Variants in PDE10A observed in about 807,000 individuals in gnomAD.
PDE10A encodes the protein cAMP and cAMP-inhibited cGMP 3',5'-cyclic phosphodiesterase 10A.
PDE10A carries 39 observed loss-of-function variants against 97.7 expected under a neutral mutation model. The observed-to-expected ratio is 0.40, with a 90% CI of 0.31 to 0.52. The LOEUF (loss-of-function observed/expected upper bound fraction) is 0.52. Ranked by LOEUF, PDE10A falls within the 20% of genes least tolerant of loss-of-function variation. The pLI, the probability that PDE10A is intolerant of heterozygous loss-of-function variation, is 0.56. For synonymous variants in PDE10A, 371 were observed against 376.8 expected (o/e 0.98, Z 0.18); for missense variants, 731 against 1,047.8 (o/e 0.70, Z 4.17).
intron 8 of PDE10A, among the ~76,000 whole-genome samples, 167 bp downstream of exon 8, chr6:165,431,255 G>A (rs1405688770): frequency 6.6e-6 from 1 of 151,104 alleles, no homozygotes; most frequent in Non-Finnish European, 1.5e-5. Context: ...AAGGCAGGGA[G>A]TAAGTAAATA....
At chr6:165,836,457 C>T (rs1006267558) in intron 1 of PDE10A, among the ~76,000 whole-genome samples, 5 of 152,196 alleles carry the variant, frequency 3.3e-5, no homozygotes, top group African/African-American at 1.2e-4. Context: ...TGCAGATACT[C>T]CAGCGGTCAG....
At position 165,793,642 on chromosome 6, in the gene PDE10A, C is replaced by T. The variant is rs190656276; in HGVS notation, c.-615+193887G>A. Among the ~76,000 whole-genome samples the T allele has an allele frequency of 5.3e-4, 80 of 152,306 alleles. No homozygotes were observed. The East Asian group carries it at 0.011, about 22-fold the overall frequency. On this transcript the variant is annotated intron_variant, in intron 1 of 19. Transcript: ENST00000366882. The stretch of plus-strand genomic sequence containing the variant: ...GGGCTCACACTGGCCTCTGCTGCAC[C>T]GCTGGGGGTCTCCCCACAAAGCCTG...
intron 3 of PDE10A, among the ~76,000 whole-genome samples, chr6:165,477,404 T>C (rs1297461645): frequency 6.6e-6 from 1 of 152,176 alleles, no homozygotes; most frequent in Non-Finnish European, 1.5e-5. Context: ...GGTGCCTGTG[T>C]TATTTATTTT....
intron 8 of PDE10A, among the ~76,000 whole-genome samples, chr6:165,430,631 C>G (rs1231635985): frequency 7.0e-6 from 1 of 142,246 alleles, no homozygotes. Context: ...CTTACTGAGG[C>G]TTCAGAATTA....
At chr6:165,779,212 G>A (rs553651447) in intron 1 of PDE10A, among the ~76,000 whole-genome samples, 4 of 152,220 alleles carry the variant, frequency 2.6e-5, no homozygotes, top group South Asian at 2.1e-4. Context: ...TCCCCTACGC[G>A]TAACAAAGTT....
chr6:165,720,460 C>T (rs1404038482), intron 1 of PDE10A, among the ~76,000 whole-genome samples: 2 of 152,184 alleles, frequency 1.3e-5, no homozygotes, highest in South Asian at 4.1e-4. Context: ...CAGCGTTCAA[C>T]TGGCAACTGT....
intron 1 of PDE10A, among the ~76,000 whole-genome samples, chr6:165,724,556 CT>C (rs1255849705): frequency 3.3e-5 from 5 of 152,190 alleles, no homozygotes; most frequent in Non-Finnish European, 1.5e-5. Flanking sequence ...GGGCTTCGTC[CT>C]GTCACTTAGA....
rs1781151038 is a variant in PDE10A, at chr6:165,328,187, G to C, written c.*4838C>G. 1 of 152,122 alleles carries C rather than the reference G, an allele frequency of 6.6e-6. No individual in the cohort carries two copies. Among genetic ancestry groups the C allele is most frequent in the African/African-American group, 2.4e-5 (1 of 41,410 alleles). 9.4% of individuals were successfully genotyped at this position (152,122 alleles called of 1,614,324 possible). ...CACATAGCATATACACCATACAACA[G>C]ATCATATGGAAAATAATATTCCTAT... is the stretch of plus-strand genomic sequence containing the variant. On this transcript the variant is annotated 3_prime_UTR_variant, in exon 22 of 22. Transcript: ENST00000539869.
chr6:165,619,489 C>CTAGTGTACTGTAGTG (rs1787986859), intron 1 of PDE10A, among the ~76,000 whole-genome samples: 1 of 28,158 alleles, frequency 3.6e-5, no homozygotes, highest in Non-Finnish European at 6.7e-5. Flanking sequence ...CTAGTGTAGT[C>CTAGTGTACTGTAGTG]TAGTGTAGTC....
At chr6:165,653,525 C>G (rs1789788333) in intron 1 of PDE10A, among the ~76,000 whole-genome samples, 1 of 152,178 alleles carries the variant, frequency 6.6e-6, no homozygotes, top group South Asian at 2.1e-4. Context: ...TGGAGAGAGA[C>G]AGAGCAGAAA....
chr6:165,428,201 G>A (rs1789300785), intron 10 of PDE10A, among the ~76,000 whole-genome samples: 1 of 152,068 alleles, frequency 6.6e-6, no homozygotes, highest in Admixed American at 6.6e-5. Context: ...TCTCACTAGA[G>A]ACCTAAAAGT....
At chr6:165,411,850 G>C (rs891965745) in intron 13 of PDE10A, among the ~76,000 whole-genome samples, 9 of 152,082 alleles carry the variant, frequency 5.9e-5, no homozygotes, top group African/African-American at 2.2e-4. Flanking sequence ...TGGGGAATAT[G>C]GATAAAGGTA....
At chr6:165,762,102 C>T (rs973976985) in intron 1 of PDE10A, among the ~76,000 whole-genome samples, 3 of 152,194 alleles carry the variant, frequency 2.0e-5, no homozygotes, top group Non-Finnish European at 2.9e-5. Context: ...CAGATTGCTA[C>T]GTCTGAACAA....
intron 1 of PDE10A, among the ~76,000 whole-genome samples, chr6:165,715,513 C>T (rs111432199): frequency 0.01 from 1,595 of 152,254 alleles, 32 homozygotes; most frequent in African/African-American, 0.037. Flanking sequence ...CACATTCCCC[C>T]AAAGGAACCT....
At chr6:165,949,157 G>A (rs300104) in intron 1 of PDE10A, 80,092 of 152,156 alleles carry the variant, frequency 0.53, 22,858 homozygotes, top group African/African-American at 0.76. Context: ...CCTCAATGGG[G>A]ATATAGGCTC....
chr6:165,627,586 TG>T (rs1788445711), intron 1 of PDE10A, among the ~76,000 whole-genome samples: 1 of 152,010 alleles, frequency 6.6e-6, no homozygotes, highest in African/African-American at 2.4e-5. Context: ...TGCCGTGACT[TG>T]GGGGAAGAGG....
chr6:165,413,738 A>T (rs1184925083), intron 12 of PDE10A, 51 bp from the exon 13 acceptor site: 1 of 1,422,562 alleles, frequency 7.0e-7, no homozygotes, highest in Non-Finnish European at 9.8e-7. Context: ...GGGCAGAAGA[A>T]ATAAAGGACA....
chr6:165,582,450 T>C (rs1235418551), intron 1 of PDE10A, among the ~76,000 whole-genome samples: 1 of 152,204 alleles, frequency 6.6e-6, no homozygotes, highest in Non-Finnish European at 1.5e-5. Context: ...AAGTACATTT[T>C]TCTAAGGTAC....
chr6:165,590,587 G>A (rs1786192477), intron 1 of PDE10A, among the ~76,000 whole-genome samples: 1 of 152,090 alleles, frequency 6.6e-6, no homozygotes, highest in South Asian at 2.1e-4. Context: ...GTTTTGGGTA[G>A]ACACTAAAAA....
Sources: gnomAD v4.1 joint callset for allele counts (sites outside exome capture counted in the v4.1 genomes callset) on GRCh38, gnomAD v4.1.1 for gene constraint, MANE v1.5 for transcripts, NCBI Gene and HGNC (gene_info 2026-07-23, HGNC 2026-07-21) for gene names.